NIPAL2: variants seen among roughly 807,000 people sequenced by gnomAD.
NIPAL2 encodes NIPA-like protein 2.
Under a neutral mutation model 48.9 loss-of-function variants are expected in NIPAL2, and 43 were observed. That is an observed-to-expected ratio of 0.88 (90% CI 0.69 to 1.13). The LOEUF (loss-of-function observed/expected upper bound fraction) is 1.13, where lower values mean the gene tolerates loss of function less well. Ranked by LOEUF, NIPAL2 falls within the 50% of genes most tolerant of loss-of-function variation. NIPAL2 has a pLI of 0.00. For missense variants in NIPAL2, 446 were observed against 461.4 expected (o/e 0.97, Z 0.31); for synonymous variants, 167 against 174.6 (o/e 0.96, Z 0.34).
chr8:98,264,941 C>T (rs1407138377), intron 1 of NIPAL2, among the ~76,000 whole-genome samples: 1 of 149,494 alleles, frequency 6.7e-6, no homozygotes, highest in Non-Finnish European at 1.5e-5. Context: ...AGATATAGAT[C>T]AATGGAACAG....
chr8:98,288,003 A>G (rs955509505), intron 1 of NIPAL2, among the ~76,000 whole-genome samples: 3 of 152,216 alleles, frequency 2.0e-5, no homozygotes, highest in Admixed American at 2.0e-4. Flanking sequence ...TTGAATAGTC[A>G]TAGCAATGCT....
At chr8:98,293,852 G>A (rs967825241) in intron 1 of NIPAL2, 151 bp downstream of exon 1, 5 of 725,822 alleles carry the variant, frequency 6.9e-6, no homozygotes, top group African/African-American at 1.9e-5. Context: ...AGGTCAATGC[G>A]GGAAACATTG....
rs182314014 is a variant in NIPAL2, at chr8:98,232,910, C to G, written c.436+3245G>C. Among the ~76,000 whole-genome samples the G allele has an allele frequency of 3.9e-5, 6 of 152,274 alleles. No individual in the cohort carries two copies. In the East Asian group the frequency reaches 1.2e-3, roughly 29 times the overall value. ...CAAATGAGATAATCCATGCAAAACA[C>G]TTAACATAGTATTTGGCAAGAGTAA... On this transcript the variant is annotated intron_variant, in intron 4 of 10. Coordinates refer to ENST00000430223, the MANE Select transcript of NIPAL2 (RefSeq NM_001321635.2).
At chr8:98,274,227 T>C (rs1300757602) in intron 1 of NIPAL2, among the ~76,000 whole-genome samples, 1 of 151,882 alleles carries the variant, frequency 6.6e-6, no homozygotes, top group Non-Finnish European at 1.5e-5. Context: ...GTTAACATTA[T>C]ATATATATTC....
intron 3 of NIPAL2, among the ~76,000 whole-genome samples, chr8:98,240,895 A>G (rs1340693268): frequency 6.6e-6 from 1 of 152,116 alleles, no homozygotes; most frequent in African/African-American, 2.4e-5. Context: ...AGAACCAGCT[A>G]TGGAATACAG....
chr8:98,216,080 C>A (rs1811559740), intron 5 of NIPAL2, among the ~76,000 whole-genome samples: 1 of 152,174 alleles, frequency 6.6e-6, no homozygotes, highest in African/African-American at 2.4e-5. Context: ...ATGGCCATAG[C>A]ATATGGCTTC....
rs118106956 is a variant in NIPAL2 at position 98,277,478 on chromosome 8, A to T, written c.135+16525T>A. Among the ~76,000 whole-genome samples, 8 of 152,300 alleles carry T rather than the reference A, an allele frequency of 5.3e-5. No homozygotes were observed. The East Asian group carries it at 1.4e-3, about 26-fold the overall frequency. On this transcript the variant is annotated intron_variant, in intron 1 of 10. Transcript: ENST00000430223. ...CTTGAACCTGGGAAGCAGAGGTTGC[A>T]GTGAGCTGGGGTCGCACCATTGCAC... is the stretch of plus-strand genomic sequence containing the variant.
At chr8:98,264,157 A>G (rs1243119190) in intron 1 of NIPAL2, among the ~76,000 whole-genome samples, 1 of 151,080 alleles carries the variant, frequency 6.6e-6, no homozygotes, top group South Asian at 2.1e-4. Flanking sequence ...TCTATGACAA[A>G]CCCACAGCCA....
Position 98,252,468 on chromosome 8 carries a change from A to G in NIPAL2, c.371T>C (p.Val124Ala). The change falls in exon 3 of 11, where the codon GTT becomes GCT. Residue 124 changes from valine to alanine, a missense_variant. Transcript: ENST00000430223. ...TLIAPLGCVS[V>A]TGSAIISVTF... ...CAAAATACAGAATGGCTTACCTGTA[A>G]CAGACACACAGCCTAACGGAGCGAT... The G allele has an allele frequency of 1.2e-6, 2 of 1,604,754 alleles. No homozygotes were observed. The highest frequency in any genetic ancestry group is 1.7e-6 in the Non-Finnish European group (2 of 1,175,700).
Position 98,254,062 on chromosome 8 carries a change from G to A in NIPAL2, c.161C>T (p.Ala54Val). ...NQIHLFGVLL[A>V]ILGNLVISIS... ...ACTGATCACCAAGTTTCCTAAAATA[G>A]CCAGCAAAACTCCAAAAAGGTGAAT... Residue 54 changes from alanine (A) to valine (V), a missense_variant, in exon 2 of 11, where the codon GCT (alanine) becomes GTT (valine). Transcript: ENST00000430223. 1.9e-6 allele frequency: 3 copies of A among 1,611,042 alleles called. No homozygotes were observed. The highest frequency in any genetic ancestry group is 2.5e-6 in the Non-Finnish European group (3 of 1,178,278).
rs11990298 is a variant in NIPAL2, at chr8:98,217,945, C to T, written c.558+4534G>A. ...GTGTCTAACCACCACTTAATGGATA[C>T]GTGAATAAATGAACGAATAAATTTA... On this transcript the variant is annotated intron_variant, in intron 5 of 10. Coordinates refer to ENST00000430223, the MANE Select transcript of NIPAL2 (RefSeq NM_001321635.2). 5.9e-3 allele frequency among the ~76,000 whole-genome samples: 893 copies of T among 152,036 alleles called. 12 individuals carry two copies. Among genetic ancestry groups the T allele is most frequent in the African/African-American group, 0.02 (846 of 41,488 alleles).
intron 1 of NIPAL2, among the ~76,000 whole-genome samples, chr8:98,282,724 G>A (rs1469365670): frequency 6.6e-6 from 1 of 152,124 alleles, no homozygotes; most frequent in Non-Finnish European, 1.5e-5. Flanking sequence ...AGCAAACATT[G>A]GAGACAATCT....
At chr8:98,208,192 T>G (rs1179655143) in intron 6 of NIPAL2, among the ~76,000 whole-genome samples, 1 of 152,250 alleles carries the variant, frequency 6.6e-6, no homozygotes, top group East Asian at 1.9e-4. Flanking sequence ...ATAATTACCA[T>G]GTATACTTTC....
intron 1 of NIPAL2, among the ~76,000 whole-genome samples, chr8:98,270,861 T>C (rs554663702): frequency 6.6e-6 from 1 of 152,304 alleles, no homozygotes; most frequent in African/African-American, 2.4e-5. Flanking sequence ...TAATCCATCT[T>C]GAGGTAATTT....
At chr8:98,283,181 T>C (rs1815954757) in intron 1 of NIPAL2, among the ~76,000 whole-genome samples, 1 of 152,264 alleles carries the variant, frequency 6.6e-6, no homozygotes, top group South Asian at 2.1e-4. Flanking sequence ...ATTTATATAA[T>C]TGTACATTCT....
Position 98,212,434 on chromosome 8 carries a change from AC to A in NIPAL2, c.625del (p.Val209Ter). ...FYKRKGMKHM[V>X]ILLTLVAILA... ...AATTGCCACCAGGGTTAGCAGAATC[AC>A]CATATGCTTCATTCCTTTTCTTTTA... On this transcript the variant is annotated frameshift_variant, in exon 6 of 11. Transcript: ENST00000430223. LOFTEE classifies it high-confidence loss of function. The A allele has an allele frequency of 6.3e-7, 1 of 1,590,702 alleles. No homozygotes were observed. Among genetic ancestry groups the A allele is most frequent in the Non-Finnish European group, 8.6e-7 (1 of 1,159,372 alleles).
At chr8:98,253,401 T>G (rs1813698375) in intron 2 of NIPAL2, among the ~76,000 whole-genome samples, 1 of 152,220 alleles carries the variant, frequency 6.6e-6, no homozygotes. Flanking sequence ...CTAATTTGAT[T>G]CTATTTAAAA....
intron 1 of NIPAL2, among the ~76,000 whole-genome samples, chr8:98,258,784 T>C (rs1426266953): frequency 6.6e-6 from 1 of 152,162 alleles, no homozygotes; most frequent in Non-Finnish European, 1.5e-5. Context: ...CTTCCCTTTT[T>C]TTTTTGTCTA....
At chr8:98,252,728 A>G in intron 2 of NIPAL2, 94 bp from the exon 3 acceptor site, 1 of 1,043,698 alleles carries the variant, frequency 9.6e-7, no homozygotes, top group South Asian at 1.7e-5. Context: ...TCTTTTTATA[A>G]GAACGCTAAT....
Sources: gnomAD v4.1 joint callset for allele counts (sites outside exome capture counted in the v4.1 genomes callset) on GRCh38, gnomAD v4.1.1 for gene constraint, MANE v1.5 for transcripts, NCBI Gene and HGNC (gene_info 2026-07-23, HGNC 2026-07-21) for gene names.